Variants in AUH observed in about 807,000 individuals in gnomAD.
The protein encoded by AUH is methylglutaconyl-CoA hydratase, mitochondrial.
Under a neutral mutation model 42.3 loss-of-function variants are expected in AUH, and 29 were observed. The observed-to-expected ratio is 0.69, with a 90% CI of 0.51 to 0.93. AUH has a LOEUF of 0.93. AUH is among the 40% of genes least tolerant of loss of function. The pLI is 0.00. For synonymous variants in AUH, 174 were observed against 166.4 expected (o/e 1.05, Z -0.35); for missense variants, 452 against 438.1 (o/e 1.03, Z -0.28).
intron 3 of AUH, among the ~76,000 whole-genome samples, chr9:91,328,204 C>T (rs2494386): frequency 6.6e-6 from 1 of 151,940 alleles, no homozygotes; most frequent in Non-Finnish European, 1.5e-5. Context: ...CCAGCACTTA[C>T]GCGCTCTCCT....
intron 6 of AUH, among the ~76,000 whole-genome samples, chr9:91,260,777 G>C (rs1338929000): frequency 1.3e-5 from 2 of 152,080 alleles, no homozygotes; most frequent in Non-Finnish European, 2.9e-5. Context: ...ATATACAATA[G>C]ACCCAGGTCA....
chr9:91,310,774 C>CA (rs1395512389), intron 4 of AUH, among the ~76,000 whole-genome samples: 1 of 152,136 alleles, frequency 6.6e-6, no homozygotes, highest in African/African-American at 2.4e-5. Flanking sequence ...AAAGATAGAT[C>CA]ATGTGGTTAC....
intron 3 of AUH, among the ~76,000 whole-genome samples, chr9:91,354,095 G>A (rs1832221133): frequency 6.6e-6 from 1 of 151,740 alleles, no homozygotes; most frequent in Non-Finnish European, 1.5e-5. Context: ...TTGAACCCAG[G>A]AGGCAGAGGC....
chr9:91,358,886 C>A (rs569754344), intron 1 of AUH, among the ~76,000 whole-genome samples: 36 of 152,194 alleles, frequency 2.4e-4, no homozygotes, highest in Admixed American at 5.2e-4. Flanking sequence ...TTTTGGTATT[C>A]TAAAATGGAA....
At chr9:91,286,386 T>C (rs1478211384) in intron 6 of AUH, among the ~76,000 whole-genome samples, 1 of 152,138 alleles carries the variant, frequency 6.6e-6, no homozygotes, top group Non-Finnish European at 1.5e-5. Flanking sequence ...TCTGGTTCCA[T>C]GAAACCTCTG....
At position 91,266,949 on chromosome 9, in the gene AUH, C is replaced by T. The variant is rs142080185; in HGVS notation, c.655+29072G>A. Among the ~76,000 whole-genome samples, 1,117 of 152,226 alleles carry T rather than the reference C, an allele frequency of 7.3e-3. 19 individuals carry two copies. The highest frequency in any genetic ancestry group is 0.025 in the African/African-American group (1,049 of 41,544). ...CATGTGACAGACTGCTAGTGCACTC[C>T]GTGTGTGTATGTTATATTTTGGTGA... is the stretch of plus-strand genomic sequence containing the variant. On this transcript the variant is annotated intron_variant, in intron 6 of 9. Coordinates refer to ENST00000375731, the MANE Select transcript of AUH (RefSeq NM_001698.3).
At chr9:91,229,685 G>A (rs953014921) in intron 6 of AUH, among the ~76,000 whole-genome samples, 12 of 152,004 alleles carry the variant, frequency 7.9e-5, no homozygotes, top group African/African-American at 1.5e-4. Context: ...TTTTGCAAGC[G>A]GCTGGTACCA....
rs1826685182 is a variant in AUH, at chr9:91,214,038, T to C, written c.*310A>G. 3.3e-6 allele frequency: 1 copy of C among 301,750 alleles called. No homozygotes were observed. 18.7% of individuals were successfully genotyped at this position (301,750 alleles called of 1,614,324 possible). On this transcript the variant is annotated 3_prime_UTR_variant, in exon 10 of 10. Coordinates refer to ENST00000375731, the MANE Select transcript of AUH (RefSeq NM_001698.3). ...CAATATTATTCCCTAGAATGTGCAA[T>C]ATATAAATTATTCACATTAAAAAAT...
At chr9:91,283,865 T>G (rs1403992279) in intron 6 of AUH, among the ~76,000 whole-genome samples, 6 of 152,050 alleles carry the variant, frequency 3.9e-5, no homozygotes, top group Non-Finnish European at 8.8e-5. Context: ...AGAATCAATA[T>G]TGTGAAAATG....
At chr9:91,328,704 G>A (rs889513671) in intron 3 of AUH, among the ~76,000 whole-genome samples, 11 of 152,220 alleles carry the variant, frequency 7.2e-5, no homozygotes, top group East Asian at 3.9e-4. Context: ...GGTGAAAATC[G>A]TATACATTTT....
chr9:91,291,848 G>C (rs891711396), intron 6 of AUH, among the ~76,000 whole-genome samples: 1 of 142,082 alleles, frequency 7.0e-6, no homozygotes, highest in Non-Finnish European at 1.5e-5. Flanking sequence ...GCATCATTTA[G>C]CATACATAAA....
At chr9:91,241,644 G>T (rs1280552735) in intron 6 of AUH, among the ~76,000 whole-genome samples, 2 of 152,102 alleles carry the variant, frequency 1.3e-5, no homozygotes, top group Non-Finnish European at 2.9e-5. Context: ...TTTTAATGCA[G>T]TAACATTTGC....
intron 3 of AUH, among the ~76,000 whole-genome samples, chr9:91,334,096 C>A (rs147182932): frequency 4.9e-4 from 74 of 152,264 alleles, no homozygotes; most frequent in African/African-American, 1.7e-3. Flanking sequence ...CAGCCCCAGC[C>A]AGGGGATCTC....
At chr9:91,348,191 TA>T (rs1262879567) in intron 3 of AUH, among the ~76,000 whole-genome samples, 1 of 152,064 alleles carries the variant, frequency 6.6e-6, no homozygotes, top group Non-Finnish European at 1.5e-5. Context: ...ATATGAAATG[TA>T]AACTAAAACT....
At chr9:91,280,276 G>A (rs1825862899) in intron 6 of AUH, among the ~76,000 whole-genome samples, 3 of 152,134 alleles carry the variant, frequency 2.0e-5, no homozygotes, top group Admixed American at 2.0e-4. Flanking sequence ...CTGCTTTCTA[G>A]ACTGCTTAAA....
chr9:91,222,718 A>G (rs969694747), intron 6 of AUH, among the ~76,000 whole-genome samples: 7 of 152,214 alleles, frequency 4.6e-5, no homozygotes, highest in African/African-American at 1.2e-4. Flanking sequence ...TATAACTCAG[A>G]TAACTATATT....
rs146636009 is a variant in AUH, at chr9:91,220,919, G to A, written c.729C>T (p.Leu243=). The A allele has an allele frequency of 3.1e-6, 5 of 1,614,080 alleles. No homozygotes were observed. Among genetic ancestry groups the A allele is most frequent in the Non-Finnish European group, 4.2e-6 (5 of 1,180,046 alleles). Residue 243 remains leucine, a synonymous_variant, in exon 7 of 10, where the codon CTC becomes CTT. Transcript: ENST00000375731. ...AKELIFSARV[L]DGKEAKAVGL... ...CCACTGCTTTGGCTTCTTTGCCATC[G>A]AGGACTCGCGCAGAGAATATGAGCT...
chr9:91,237,689 G>A (rs1328599677), intron 6 of AUH, among the ~76,000 whole-genome samples: 1 of 152,064 alleles, frequency 6.6e-6, no homozygotes, highest in Non-Finnish European at 1.5e-5. Flanking sequence ...TCTTTGACCA[G>A]TGAGGACTTA....
In AUH at chr9:91,220,976, C is replaced by CA; in HGVS notation, c.671dup (p.Leu224PhefsTer71). The stretch of plus-strand genomic sequence containing the variant: ...CCAGGGACATTCCAATGGCGCGTGG[C>CA]AATCGCTGTGTCCCCCCTGAGGGGT... On this transcript the variant is annotated frameshift_variant, in exon 7 of 10. Coordinates refer to ENST00000375731, the MANE Select transcript of AUH (RefSeq NM_001698.3). LOFTEE classifies it high-confidence loss of function. 1 of 1,614,110 alleles carries CA rather than the reference C, an allele frequency of 6.2e-7. No homozygotes were observed. Among genetic ancestry groups the CA allele is most frequent in the Non-Finnish European group, 8.5e-7 (1 of 1,180,016 alleles).
Sources: allele counts gnomAD v4.1 joint callset (sites outside exome capture counted in the v4.1 genomes callset), GRCh38; gene constraint gnomAD v4.1.1; transcripts MANE v1.5; gene names NCBI Gene and HGNC (gene_info 2026-07-23, HGNC 2026-07-21).